The following PTPRK variants were observed in gnomAD, a reference collection of about 807,000 sequenced individuals.
PTPRK encodes protein tyrosine phosphatase receptor type K.
In PTPRK, 75 loss-of-function variants were observed where a neutral mutation model predicts 178.0. The observed-to-expected ratio is 0.42, with a 90% CI of 0.35 to 0.51. PTPRK has a LOEUF of 0.51. Ranked by LOEUF, PTPRK falls within the 20% of genes least tolerant of loss-of-function variation. The probability of loss-of-function intolerance (pLI) is 0.02; values close to 1 mark genes in which losing one functional copy is unlikely to be tolerated. For synonymous variants in PTPRK, 637 were observed against 620.6 expected (o/e 1.03, Z -0.39); for missense variants, 1,441 against 1,797.8 (o/e 0.80, Z 3.59).
chr6:128,037,362 C>T (rs1266904941), intron 13 of PTPRK, among the ~76,000 whole-genome samples: 3 of 152,152 alleles, frequency 2.0e-5, no homozygotes, highest in South Asian at 2.1e-4. Flanking sequence ...ATATCCTGCA[C>T]GATGGGCAAC....
At chr6:128,191,737 T>C (rs1213567017) in intron 6 of PTPRK, among the ~76,000 whole-genome samples, 1 of 152,072 alleles carries the variant, frequency 6.6e-6, no homozygotes, top group Non-Finnish European at 1.5e-5. Context: ...AAAAAAAATC[T>C]CTAGTCCAAA....
intron 4 of PTPRK, among the ~76,000 whole-genome samples, chr6:128,241,918 A>AT (rs1033944732): frequency 1.4e-5 from 2 of 147,344 alleles, no homozygotes; most frequent in Non-Finnish European, 3.0e-5. Flanking sequence ...AGTAGCTGGG[A>AT]TTACAGGTGT....
intron 7 of PTPRK, among the ~76,000 whole-genome samples, chr6:128,176,203 T>G (rs867055384): frequency 3.3e-5 from 5 of 151,900 alleles, no homozygotes; most frequent in Non-Finnish European, 7.4e-5. Flanking sequence ...CAAAAGGTAT[T>G]ATAGGTTCAT....
At chr6:128,387,467 T>C (rs756355321) in intron 2 of PTPRK, among the ~76,000 whole-genome samples, 1 of 152,200 alleles carries the variant, frequency 6.6e-6, no homozygotes, top group Non-Finnish European at 1.5e-5. Flanking sequence ...ATTGGACATT[T>C]AGTATAAAAT....
chr6:128,289,970 T>A (rs528669036), intron 3 of PTPRK, among the ~76,000 whole-genome samples: 1 of 152,268 alleles, frequency 6.6e-6, no homozygotes, highest in African/African-American at 2.4e-5. Flanking sequence ...AGGACAGTAT[T>A]ATTAAAAGAC....
intron 13 of PTPRK, among the ~76,000 whole-genome samples, chr6:128,031,920 C>A (rs914770209): frequency 1.3e-5 from 2 of 152,150 alleles, no homozygotes; most frequent in Non-Finnish European, 2.9e-5. Context: ...GTCTTTCCTG[C>A]ACCCTCACCC....
intron 1 of PTPRK, among the ~76,000 whole-genome samples, chr6:128,482,545 G>A (rs1852232443): frequency 6.6e-6 from 1 of 152,108 alleles, no homozygotes; most frequent in Non-Finnish European, 1.5e-5. Flanking sequence ...CAGACTCAAT[G>A]GAAAGGCTAA....
At chr6:128,146,422 TTATGTGTG>T (rs1394654899) in intron 7 of PTPRK, among the ~76,000 whole-genome samples, 2 of 144,390 alleles carry the variant, frequency 1.4e-5, no homozygotes, top group Non-Finnish European at 3.0e-5. Flanking sequence ...GTGTGTGTGT[TTATGTGTG>T]TGTGTGTGTG....
intron 7 of PTPRK, among the ~76,000 whole-genome samples, chr6:128,165,233 T>G (rs1012003285): frequency 6.6e-6 from 1 of 151,378 alleles, no homozygotes; most frequent in African/African-American, 2.4e-5. Context: ...TTTACCTTAG[T>G]TTCCAATTTT....
At chr6:128,322,677 T>C (rs1158295093) in intron 2 of PTPRK, among the ~76,000 whole-genome samples, 1 of 151,430 alleles carries the variant, frequency 6.6e-6, no homozygotes, top group African/African-American at 2.4e-5. Flanking sequence ...AATATATATA[T>C]ATATGTATAC....
intron 2 of PTPRK, among the ~76,000 whole-genome samples, chr6:128,325,835 T>A: frequency 6.6e-6 from 1 of 152,114 alleles, no homozygotes; most frequent in Non-Finnish European, 1.5e-5. Context: ...ATCCAAAGGA[T>A]TATAAATCAT....
intron 1 of PTPRK, among the ~76,000 whole-genome samples, chr6:128,463,525 T>C (rs1205274152): frequency 2.6e-5 from 4 of 152,110 alleles, no homozygotes; most frequent in Admixed American, 2.6e-4. Flanking sequence ...TACCAACCAT[T>C]CAAGGCCCCC....
chr6:128,252,707 C>A (rs1014422923), intron 3 of PTPRK, among the ~76,000 whole-genome samples: 2 of 152,164 alleles, frequency 1.3e-5, no homozygotes, highest in Non-Finnish European at 2.9e-5. Context: ...ACAGTGCACA[C>A]CACAGTTCCC....
At chr6:127,992,320 G>A (rs188208445) in intron 19 of PTPRK, among the ~76,000 whole-genome samples, 1 of 151,830 alleles carries the variant, frequency 6.6e-6, no homozygotes, top group African/African-American at 2.4e-5. Flanking sequence ...CAAACTTGCT[G>A]CAAGAAGACA....
intron 7 of PTPRK, among the ~76,000 whole-genome samples, chr6:128,152,263 G>A (rs959670293): frequency 6.6e-5 from 10 of 152,076 alleles, no homozygotes; most frequent in Admixed American, 3.3e-4. Flanking sequence ...ATGGGACGTC[G>A]TCAGAGCCAC....
Position 128,003,059 on chromosome 6 carries a change from C to T in PTPRK, c.2494+2025G>A, listed in dbSNP as rs1227390988. On this transcript the variant is annotated intron_variant, in intron 15 of 29. Coordinates refer to ENST00000368226, the MANE Select transcript of PTPRK (RefSeq NM_002844.4). ...TCTGATATTGGGTTGAACACAGTTG[C>T]TCTCTTTGATAATACCATGGCTGTC... 7 of 750,902 alleles carry T rather than the reference C, an allele frequency of 9.3e-6. No individual in the cohort carries two copies. In the East Asian group the frequency reaches 1.4e-4, roughly 15 times the overall value. 46.5% of individuals were successfully genotyped at this position (750,902 alleles called of 1,614,324 possible).
In PTPRK at chr6:127,995,464, C is replaced by T. The variant is rs1214597941; in HGVS notation, c.2842G>A (p.Asp948Asn). 1 of 1,584,742 alleles carries T rather than the reference C, an allele frequency of 6.3e-7. No individual in the cohort carries two copies. The highest frequency in any genetic ancestry group is 1.1e-5 in the South Asian group (1 of 89,416). The stretch of plus-strand genomic sequence containing the variant: ...TACTTAACTATAAAAATACTTACAT[C>T]AATATAGTTGGCATTAATATAATCT... Reference protein sequence around the residue: ...SSDYINANYIDGYQRPSHYIA... With the variant: ...SSDYINANYINGYQRPSHYIA... Residue 948 changes from aspartate (D) to asparagine (N), a missense_variant and splice_region_variant, in exon 18 of 30, where the codon GAT (aspartate) becomes AAT (asparagine). Physicochemically the swap from Asp to Asn is conservative, Grantham distance 23. Transcript: ENST00000368226.
Position 128,135,800 on chromosome 6 carries a change from G to T in PTPRK, c.1163-45808C>A, listed in dbSNP as rs377117836. Among the ~76,000 whole-genome samples the T allele has an allele frequency of 1.5e-4, 22 of 151,590 alleles. 1 individual carries two copies. The East Asian group carries it at 1.9e-3, about 13-fold the overall frequency. On this transcript the variant is annotated intron_variant, in intron 7 of 29. Transcript: ENST00000368226. ...GCCACAATCACGTTTACATTTAGAG[G>T]TTGGCCATTGTGATCAAGTACTCAA...
chr6:128,174,833 CAT>C (rs1800827908), intron 7 of PTPRK, among the ~76,000 whole-genome samples: 1 of 149,598 alleles, frequency 6.7e-6, no homozygotes, highest in Non-Finnish European at 1.5e-5. Flanking sequence ...AAATTATACT[CAT>C]ATTTTAGAGA....
Sources: gnomAD v4.1 joint callset for allele counts (sites outside exome capture counted in the v4.1 genomes callset) on GRCh38, gnomAD v4.1.1 for gene constraint, MANE v1.5 for transcripts, NCBI Gene and HGNC (gene_info 2026-07-23, HGNC 2026-07-21) for gene names.